BTBD9: variants seen among roughly 807,000 people sequenced by gnomAD.
BTBD9 encodes BTB/POZ domain-containing protein 9.
Under a neutral mutation model 64.3 loss-of-function variants are expected in BTBD9, and 49 were observed. That is an observed-to-expected ratio of 0.76 (90% CI 0.61 to 0.97). BTBD9 has a LOEUF of 0.97. Among genes scored for constraint, BTBD9 ranks in the 50% least tolerant of loss-of-function variants. BTBD9 has a pLI of 0.00. For synonymous variants in BTBD9, 260 were observed against 274.7 expected, an observed-to-expected ratio of 0.95 and a Z score of 0.53; for missense variants, 598 against 762.1, an observed-to-expected ratio of 0.78 and a Z score of 2.53.
chr6:38,465,396 T>C (rs1449073947), intron 6 of BTBD9, among the ~76,000 whole-genome samples: 2 of 145,138 alleles, frequency 1.4e-5, no homozygotes, highest in Non-Finnish European at 3.0e-5. Flanking sequence ...GGCAGGCAGA[T>C]CACGAGGTCA....
At chr6:38,319,716 A>C (rs1288167150) in intron 7 of BTBD9, among the ~76,000 whole-genome samples, 1 of 151,554 alleles carries the variant, frequency 6.6e-6, no homozygotes, top group African/African-American at 2.4e-5. Flanking sequence ...AGCAGAAGAA[A>C]AGGGTCACTT....
intron 7 of BTBD9, among the ~76,000 whole-genome samples, chr6:38,303,872 T>TAC (rs1437860245): frequency 4.0e-4 from 43 of 106,634 alleles, no homozygotes; most frequent in African/African-American, 1.1e-3. Flanking sequence ...TATATATATA[T>TAC]ATACACACAC....
intron 6 of BTBD9, among the ~76,000 whole-genome samples, chr6:38,350,643 T>C (rs1562061523): frequency 6.6e-6 from 1 of 152,256 alleles, no homozygotes. Flanking sequence ...TTTATATTCT[T>C]AGGTTAAACA....
At chr6:38,230,745 C>T (rs539194842) in intron 9 of BTBD9, among the ~76,000 whole-genome samples, 92 of 152,246 alleles carry the variant, frequency 6.0e-4, no homozygotes, top group African/African-American at 2.0e-3. Context: ...CTCTTCAGGG[C>T]CTTAACTATT....
Position 38,621,504 on chromosome 6 carries a change from A to G in BTBD9, c.-28+18296T>C, listed in dbSNP as rs553129844. On this transcript the variant is annotated intron_variant, in intron 1 of 10. Transcript: ENST00000481247. ...CAGGTTATGCCATAGTTAGTGATGTAACAGTACCTGAAAGCAAGCCCCTTC... is the reference window on the plus strand; with the variant it reads ...CAGGTTATGCCATAGTTAGTGATGTGACAGTACCTGAAAGCAAGCCCCTTC... Among the ~76,000 whole-genome samples the G allele has an allele frequency of 2.6e-5, 4 of 152,356 alleles. No homozygotes were observed. In the East Asian group the frequency reaches 7.7e-4, roughly 29 times the overall value.
rs185633855 is a variant in BTBD9, at chr6:38,585,155, C to T, written c.815-4718G>A. On this transcript the variant is annotated intron_variant, in intron 4 of 10. Coordinates refer to ENST00000481247, the MANE Select transcript of BTBD9 (RefSeq NM_001099272.2). ...CAGGAGACAAGAGCATGTGTACCGA[C>T]ACTACACACTCCCATGGAGGAATAC... Among the ~76,000 whole-genome samples, 325 of 151,820 alleles carry T rather than the reference C, an allele frequency of 2.1e-3. 1 individual carries two copies. The highest frequency in any genetic ancestry group is 6.8e-3 in the Middle Eastern group (2 of 294).
chr6:38,562,236 T>G (rs1445469933), intron 6 of BTBD9, among the ~76,000 whole-genome samples: 1 of 152,180 alleles, frequency 6.6e-6, no homozygotes, highest in African/African-American at 2.4e-5. Flanking sequence ...TGGAGATGTG[T>G]CTTATTCCAT....
intron 7 of BTBD9, among the ~76,000 whole-genome samples, chr6:38,308,027 T>C (rs1393293159): frequency 6.6e-6 from 1 of 152,174 alleles, no homozygotes; most frequent in Non-Finnish European, 1.5e-5. Flanking sequence ...ACTGGGGCCT[T>C]TGAATGAAAG....
chr6:38,492,175 C>T (rs1216080076), intron 6 of BTBD9, among the ~76,000 whole-genome samples: 1 of 152,170 alleles, frequency 6.6e-6, no homozygotes, highest in Admixed American at 6.5e-5. Flanking sequence ...CATCCAAAGG[C>T]CTCTCCTGGG....
intron 6 of BTBD9, among the ~76,000 whole-genome samples, chr6:38,418,981 G>A (rs181405704): frequency 1.2e-4 from 18 of 152,298 alleles, no homozygotes; most frequent in Admixed American, 1.2e-3. Context: ...GCATGGACTA[G>A]AAGATACAAC....
chr6:38,476,737 C>A (rs1282435578), intron 6 of BTBD9, among the ~76,000 whole-genome samples: 1 of 152,154 alleles, frequency 6.6e-6, no homozygotes, highest in African/African-American at 2.4e-5. Flanking sequence ...AAGTGTCAAA[C>A]CAGTTATTAT....
chr6:38,386,467 T>C (rs936373247), intron 6 of BTBD9, among the ~76,000 whole-genome samples: 8 of 152,162 alleles, frequency 5.3e-5, no homozygotes, highest in Non-Finnish European at 1.0e-4. Context: ...GAATGTCTAC[T>C]GTCACAAATG....
intron 9 of BTBD9, among the ~76,000 whole-genome samples, chr6:38,227,761 C>T (rs541895601): frequency 3.3e-5 from 5 of 152,334 alleles, no homozygotes; most frequent in South Asian, 2.1e-4. Flanking sequence ...TCTCTCCTTG[C>T]CAAGAACTCA....
chr6:38,494,000 G>A (rs1307575993), intron 6 of BTBD9, among the ~76,000 whole-genome samples: 1 of 152,178 alleles, frequency 6.6e-6, no homozygotes, highest in Non-Finnish European at 1.5e-5. Context: ...AGTTTCCACA[G>A]CTAAAGGCTG....
intron 4 of BTBD9, among the ~76,000 whole-genome samples, chr6:38,589,820 T>A (rs146829460): frequency 6.6e-6 from 1 of 152,192 alleles, no homozygotes; most frequent in African/African-American, 2.4e-5. Flanking sequence ...CCATTGACCA[T>A]TGGATCCATA....
intron 1 of BTBD9, among the ~76,000 whole-genome samples, chr6:38,601,649 G>A (rs1415516506): frequency 2.0e-5 from 3 of 152,014 alleles, no homozygotes; most frequent in African/African-American, 4.8e-5. Context: ...ATGTGCCACT[G>A]CACTCCATCC....
At chr6:38,395,267 CA>C (rs1341746974) in intron 6 of BTBD9, among the ~76,000 whole-genome samples, 4 of 149,792 alleles carry the variant, frequency 2.7e-5, no homozygotes, top group African/African-American at 4.9e-5. Flanking sequence ...CCTGCCTCTA[CA>C]AAAAAAAAAT....
chr6:38,597,924 C>T lies in BTBD9; in HGVS notation c.171G>A (p.Arg57=). 6.2e-7 allele frequency: 1 copy of T among 1,613,750 alleles called. No homozygotes were observed. Among genetic ancestry groups the T allele is most frequent in the Non-Finnish European group, 8.5e-7 (1 of 1,179,806 alleles). The change falls in exon 2 of 11, where the codon AGG becomes AGA. Residue 57 remains arginine, a synonymous_variant. Transcript: ENST00000481247. The stretch of plus-strand genomic sequence containing the variant: ...TACACACTTACCGAAAATATTGGCA[C>T]CTGGCTGCTAAAATTACCCTGTGGG... The part of the protein sequence containing the change: ...FPAHRVILAA[R]CQYFRALLYG...
chr6:38,474,437 T>C (rs1413942737), intron 6 of BTBD9, among the ~76,000 whole-genome samples: 1 of 152,072 alleles, frequency 6.6e-6, no homozygotes, highest in Admixed American at 6.5e-5. Flanking sequence ...ACAGGAGAAT[T>C]GCTGGAACCT....
Sources: allele counts gnomAD v4.1 joint callset (sites outside exome capture counted in the v4.1 genomes callset), GRCh38; gene constraint gnomAD v4.1.1; transcripts MANE v1.5; gene names NCBI Gene and HGNC (gene_info 2026-07-23, HGNC 2026-07-21).